The following FRMPD4 variants were observed in gnomAD, a reference collection of about 807,000 sequenced individuals.
FRMPD4 encodes the protein FERM and PDZ domain-containing protein 4.
Under a neutral mutation model 94.1 loss-of-function variants are expected in FRMPD4, and 22 were observed. The ratio of observed to expected loss-of-function variants is 0.23; its 90% CI spans 0.17 to 0.33. FRMPD4 has a LOEUF of 0.33. FRMPD4 is among the 10% of genes least tolerant of loss of function. The pLI is 1.00. For missense variants in FRMPD4, 1,111 were observed against 1,339.9 expected, an observed-to-expected ratio of 0.83 and a Z score of 2.67; for synonymous variants, 631 against 548.6, an observed-to-expected ratio of 1.15 and a Z score of -2.10.
In FRMPD4 at chrX:12,716,166, G is replaced by A. The variant is rs2042075670; in HGVS notation, c.1707G>A (p.Gln569=). 1 of 1,206,833 alleles carries A rather than the reference G, an allele frequency of 8.3e-7. No individual in the cohort carries two copies. Residue 569 remains glutamine (Q), a synonymous_variant, in exon 15 of 17, where the codon CAG becomes CAA. Transcript: ENST00000675598. ...TFIGEGEQEA[Q]ITYIDSKQKT... ...TTGGCGAAGGGGAACAAGAAGCCCA[G>A]ATAACATACATAGATTCAAAGCAGA...
intron 3 of FRMPD4, among the ~76,000 whole-genome samples, chrX:11,985,406 G>A (rs2054423625): frequency 8.9e-6 from 1 of 112,297 alleles, no homozygotes; most frequent in South Asian, 3.7e-4. Context: ...TGATACCCAG[G>A]TAGTACACAG....
chrX:12,631,653 T>C (rs750045229), intron 4 of FRMPD4, among the ~76,000 whole-genome samples: 1 of 111,709 alleles, frequency 9.0e-6, no homozygotes, highest in Admixed American at 9.5e-5. Context: ...TGTTTGGTTT[T>C]CTGTTCAGCA....
At chrX:12,452,860 C>T (rs562002429) in intron 1 of FRMPD4, among the ~76,000 whole-genome samples, 17 of 111,766 alleles carry the variant, frequency 1.5e-4, no homozygotes, top group South Asian at 3.8e-4. Context: ...CTGCCTTACA[C>T]GTTGTCCTGT....
intron 2 of FRMPD4, among the ~76,000 whole-genome samples, chrX:12,608,121 A>C (rs2059148423): frequency 8.9e-6 from 1 of 112,651 alleles, no homozygotes; most frequent in East Asian, 2.8e-4. Context: ...CTTAGCTTAC[A>C]TTACATTAAG....
chrX:12,508,592 A>G (rs755704358), intron 2 of FRMPD4, among the ~76,000 whole-genome samples: 1 of 112,304 alleles, frequency 8.9e-6, no homozygotes, highest in Non-Finnish European at 1.9e-5. Context: ...ATGGATGAAT[A>G]AGCCTGTTTC....
intron 4 of FRMPD4, among the ~76,000 whole-genome samples, chrX:12,636,255 T>A (rs897514428): frequency 1.8e-5 from 2 of 112,037 alleles, no homozygotes; most frequent in African/African-American, 6.5e-5. Context: ...ATATTTTTCC[T>A]TTCATCTCTT....
chrX:12,628,370 A>G (rs2059365349), intron 4 of FRMPD4, among the ~76,000 whole-genome samples: 1 of 111,043 alleles, frequency 9.0e-6, no homozygotes, highest in Admixed American at 9.6e-5. Flanking sequence ...GCTGAGATAT[A>G]TTTGTACCCA....
At chrX:12,051,204 A>G (rs188194957) in intron 3 of FRMPD4, among the ~76,000 whole-genome samples, 151 of 112,128 alleles carry the variant, frequency 1.3e-3, no homozygotes, top group African/African-American at 4.7e-3. Context: ...GAATAATGCA[A>G]CTTTAGAGAG....
At chrX:12,546,198 G>C (rs1022724035) in intron 2 of FRMPD4, among the ~76,000 whole-genome samples, 1 of 93,252 alleles carries the variant, frequency 1.1e-5, no homozygotes, top group African/African-American at 4.0e-5. Flanking sequence ...TTTTTCTTTT[G>C]AGATGGAGTC....
At chrX:12,043,098 T>G (rs1392637272) in intron 3 of FRMPD4, among the ~76,000 whole-genome samples, 1 of 111,933 alleles carries the variant, frequency 8.9e-6, no homozygotes, top group Non-Finnish European at 1.9e-5. Context: ...GTTTATTGTT[T>G]GCCTTTGGTC....
chrX:12,042,629 G>T (rs921293889), intron 3 of FRMPD4, among the ~76,000 whole-genome samples: 14 of 111,187 alleles, frequency 1.3e-4, no homozygotes, highest in African/African-American at 4.6e-4. Flanking sequence ...GCAGTTTTAC[G>T]TCTACCTCGG....
At chrX:12,319,207 TATAG>T (rs767888169) in intron 1 of FRMPD4, among the ~76,000 whole-genome samples, 62 of 111,975 alleles carry the variant, frequency 5.5e-4, no homozygotes, top group Non-Finnish European at 1.0e-3. Context: ...CCTGAGCCTT[TATAG>T]ATAAAGACTG....
intron 1 of FRMPD4, among the ~76,000 whole-genome samples, chrX:12,268,891 A>G (rs773488243): frequency 7.1e-5 from 8 of 112,241 alleles, no homozygotes; most frequent in Non-Finnish European, 1.3e-4. Context: ...CATATCCTGT[A>G]TTTCGATCAC....
At position 12,716,525 on chromosome X, in the gene FRMPD4, A is replaced by G. The variant is rs755975378; in HGVS notation, c.2066A>G (p.Tyr689Cys). 1 of 1,206,812 alleles carries G rather than the reference A, an allele frequency of 8.3e-7. No homozygotes were observed. The highest frequency in any genetic ancestry group is 2.2e-5 in the Admixed American group (1 of 45,982). ...ATGCTGGAGAAGCAGAGAAATCTCT[A>G]CATTGGCAGTGCCAATGACATGAAG... ...PEMLEKQRNL[Y>C]IGSANDMKGL... Residue 689 changes from tyrosine to cysteine, a missense_variant, in exon 15 of 17, where the codon TAC becomes TGC. Tyr to Cys is a radical substitution (Grantham distance 194). This residue lies in a region of FRMPD4 where 192 missense variants were observed against 192.5 expected (regional missense o/e 1.00). Transcript: ENST00000675598.
chrX:12,657,553 CG>C (rs1309891194), intron 4 of FRMPD4, among the ~76,000 whole-genome samples: 1 of 111,265 alleles, frequency 9.0e-6, no homozygotes, highest in African/African-American at 3.3e-5. Context: ...TGCCATATTT[CG>C]TTTATTAGAA....
chrX:12,714,508 CA>C (rs1054719229), intron 14 of FRMPD4, among the ~76,000 whole-genome samples: 2 of 111,986 alleles, frequency 1.8e-5, no homozygotes, highest in African/African-American at 6.5e-5. Flanking sequence ...GTCACATTCA[CA>C]GAGTGGACAT....
At chrX:12,651,339 A>ATTT (rs5901482) in intron 4 of FRMPD4, among the ~76,000 whole-genome samples, 2 of 84,842 alleles carry the variant, frequency 2.4e-5, no homozygotes, top group African/African-American at 8.7e-5. Context: ...ACCCACTAGG[A>ATTT]TTTTTTTTTT....
intron 1 of FRMPD4, among the ~76,000 whole-genome samples, chrX:12,182,966 A>C (rs182038870): frequency 1.5e-3 from 166 of 111,552 alleles, no homozygotes; most frequent in African/African-American, 5.3e-3. Context: ...AGTCTGCTAT[A>C]CCAAGGCAGG....
chrX:12,645,915 T>C (rs1460092152), intron 4 of FRMPD4, among the ~76,000 whole-genome samples: 1 of 112,194 alleles, frequency 8.9e-6, no homozygotes, highest in Non-Finnish European at 1.9e-5. Flanking sequence ...TTCCATTTGA[T>C]GGCAGGAGTG....
Sources: allele counts gnomAD v4.1 joint callset (sites outside exome capture counted in the v4.1 genomes callset), GRCh38; gene constraint gnomAD v4.1.1; regional missense constraint gnomAD v4.1.1; transcripts MANE v1.5; gene names NCBI Gene and HGNC (gene_info 2026-07-23, HGNC 2026-07-21).